The following XRCC4 variants were observed in gnomAD, a reference collection of about 807,000 sequenced individuals.
XRCC4 encodes X-ray repair cross complementing 4.
Under a neutral mutation model 39.1 loss-of-function variants are expected in XRCC4, and 28 were observed. The ratio of observed to expected loss-of-function variants is 0.72; its 90% CI spans 0.53 to 0.98. The LOEUF (loss-of-function observed/expected upper bound fraction) is 0.98, where lower values mean the gene tolerates loss of function less well. Among genes scored for constraint, XRCC4 ranks in the 50% least tolerant of loss-of-function variants. The probability of loss-of-function intolerance (pLI) is 0.00; values close to 1 mark genes in which losing one functional copy is unlikely to be tolerated. For synonymous variants in XRCC4, 123 were observed against 126.4 expected, an observed-to-expected ratio of 0.97 and a Z score of 0.18; for missense variants, 350 against 376.4, an observed-to-expected ratio of 0.93 and a Z score of 0.58.
the XRCC4 span, among the ~76,000 whole-genome samples, chr5:83,366,767 T>G: frequency 6.6e-6 from 1 of 152,190 alleles, no homozygotes; most frequent in East Asian, 1.9e-4. Context: ...TTGAACATGC[T>G]GTGTTTCCTA....
intron 7 of XRCC4, among the ~76,000 whole-genome samples, chr5:83,346,210 C>G (rs1009948647): frequency 6.6e-6 from 1 of 152,044 alleles, no homozygotes; most frequent in African/African-American, 2.4e-5. Context: ...TCTTGAGAGC[C>G]TGTATTTTGC....
intron 7 of XRCC4, among the ~76,000 whole-genome samples, chr5:83,266,456 G>C (rs1753957752): frequency 1.3e-5 from 2 of 151,272 alleles, no homozygotes; most frequent in Admixed American, 1.3e-4. Flanking sequence ...AAAATAAGAA[G>C]ATATGAACCC....
At chr5:83,133,112 G>T (rs961948084) in intron 3 of XRCC4, among the ~76,000 whole-genome samples, 31 of 152,230 alleles carry the variant, frequency 2.0e-4, no homozygotes, top group African/African-American at 6.7e-4. Context: ...GTAATATTCA[G>T]GACCCTCAGC....
chr5:83,263,986 G>A lies in XRCC4; in HGVS notation c.893+5309G>A, dbSNP rs115863332. Among the ~76,000 whole-genome samples the A allele has an allele frequency of 7.7e-3, 1,170 of 152,014 alleles. 9 individuals are homozygous for A. The highest frequency in any genetic ancestry group is 0.026 in the African/African-American group (1,059 of 41,468). On this transcript the variant is annotated intron_variant, in intron 7 of 7. Coordinates refer to ENST00000396027, the MANE Select transcript of XRCC4 (RefSeq NM_003401.5). ...GGGTTTTTATGGTTTTAGGTCTAACGTTCTTATCACAGTCTTGTGGCTACA... is the reference window on the plus strand; with the variant it reads ...GGGTTTTTATGGTTTTAGGTCTAACATTCTTATCACAGTCTTGTGGCTACA...
chr5:83,218,460 T>A (rs1002399832), intron 6 of XRCC4, among the ~76,000 whole-genome samples: 2 of 152,036 alleles, frequency 1.3e-5, no homozygotes, highest in Non-Finnish European at 2.9e-5. Context: ...GGACAGTGTT[T>A]GTATGTCTGT....
chr5:83,261,972 A>G (rs1031061766), intron 7 of XRCC4, among the ~76,000 whole-genome samples: 1 of 152,124 alleles, frequency 6.6e-6, no homozygotes, highest in East Asian at 1.9e-4. Context: ...AGAAAAACTA[A>G]ATACTTATCT....
the XRCC4 span, among the ~76,000 whole-genome samples, chr5:83,365,019 G>A: frequency 5.5e-4 from 84 of 152,172 alleles, no homozygotes; most frequent in Non-Finnish European, 1.0e-3. Flanking sequence ...GTATGCAGAG[G>A]GCGGTTTATT....
chr5:83,220,074 T>C (rs1358031161), intron 6 of XRCC4, among the ~76,000 whole-genome samples: 1 of 152,106 alleles, frequency 6.6e-6, no homozygotes, highest in African/African-American at 2.4e-5. Context: ...GACCCATGTA[T>C]GACTAGGATT....
intron 7 of XRCC4, among the ~76,000 whole-genome samples, chr5:83,305,800 A>G (rs2112067889): frequency 6.6e-6 from 1 of 152,324 alleles, no homozygotes; most frequent in Admixed American, 6.5e-5. Flanking sequence ...GAGCTTAATT[A>G]TACAAAGTCT....
intron 3 of XRCC4, among the ~76,000 whole-genome samples, chr5:83,151,459 AAAATCCCATTCAT>A (rs1397263676): frequency 9.2e-5 from 14 of 152,208 alleles, no homozygotes; most frequent in African/African-American, 3.4e-4. Context: ...AGGTTCATAG[AAAATCCCATTCAT>A]AAAGATTTTT....
chr5:83,115,462 AT>A (rs1746667306), intron 3 of XRCC4, among the ~76,000 whole-genome samples: 2 of 151,866 alleles, frequency 1.3e-5, no homozygotes, highest in South Asian at 4.2e-4. Flanking sequence ...AAAAAACAAG[AT>A]GAGATTTGGG....
chr5:83,320,565 C>T (rs1470520824), intron 7 of XRCC4, among the ~76,000 whole-genome samples: 3 of 151,714 alleles, frequency 2.0e-5, no homozygotes, highest in Non-Finnish European at 4.4e-5. Context: ...TGTCAAATAG[C>T]ATCCCCATGC....
chr5:83,338,407 A>T (rs2112191506), intron 7 of XRCC4, among the ~76,000 whole-genome samples: 1 of 152,308 alleles, frequency 6.6e-6, no homozygotes, highest in South Asian at 2.1e-4. Flanking sequence ...TTGGTAAATT[A>T]ATTATGTATT....
intron 6 of XRCC4, among the ~76,000 whole-genome samples, chr5:83,226,302 G>A (rs888589558): frequency 6.6e-6 from 1 of 152,034 alleles, no homozygotes; most frequent in Non-Finnish European, 1.5e-5. Flanking sequence ...TTGATACTAA[G>A]TTAGTCAGAA....
intron 7 of XRCC4, among the ~76,000 whole-genome samples, chr5:83,338,376 A>G (rs1278062854): frequency 2.6e-5 from 4 of 152,244 alleles, no homozygotes; most frequent in African/African-American, 9.6e-5. Flanking sequence ...AAGATCAGTT[A>G]GATAACAATG....
rs1745578642 is a variant in XRCC4, at chr5:83,094,399, TCCTCTCC to T, written c.-10-10503_-10-10497del. On this transcript the variant is annotated intron_variant, in intron 1 of 7. Transcript: ENST00000396027. The stretch of plus-strand genomic sequence containing the variant: ...TCTCTTCCCCTCCTCTCCCCTCTTC[TCCTCTCC>T]CCTCTCCTCCCCTCTTCTTTCCTTT... Among the ~76,000 whole-genome samples the T allele has an allele frequency of 2.2e-5, 3 of 134,492 alleles. No homozygotes were observed. In the South Asian group the frequency reaches 8.5e-4, roughly 38 times the overall value. 88.2% of individuals were successfully genotyped at this position (134,492 alleles called of 152,430 possible).
intron 6 of XRCC4, among the ~76,000 whole-genome samples, chr5:83,240,225 G>C (rs926342145): frequency 6.6e-6 from 1 of 152,122 alleles, no homozygotes; most frequent in Non-Finnish European, 1.5e-5. Flanking sequence ...TTCAAGGAAG[G>C]GGGAGAGGCT....
intron 7 of XRCC4, among the ~76,000 whole-genome samples, chr5:83,271,562 C>T (rs1183357331): frequency 1.3e-5 from 2 of 152,006 alleles, no homozygotes; most frequent in African/African-American, 4.8e-5. Context: ...AAATGAAACC[C>T]TATTTTACCT....
chr5:83,147,276 T>C (rs1038996768), intron 3 of XRCC4, among the ~76,000 whole-genome samples: 2 of 151,788 alleles, frequency 1.3e-5, no homozygotes, highest in Non-Finnish European at 2.9e-5. Flanking sequence ...AAACAAAAAC[T>C]CCATACACAC....
Sources: gnomAD v4.1 joint callset for allele counts (sites outside exome capture counted in the v4.1 genomes callset) on GRCh38, gnomAD v4.1.1 for gene constraint, MANE v1.5 for transcripts, NCBI Gene and HGNC (gene_info 2026-07-23, HGNC 2026-07-21) for gene names.